The following AGBL4 variants were observed in gnomAD, a reference collection of about 807,000 sequenced individuals.
The protein encoded by AGBL4 is AGBL carboxypeptidase 4.
A neutral mutation model predicts 66.4 loss-of-function variants in AGBL4; 58 were observed. The observed-to-expected ratio is 0.87, with a 90% CI of 0.71 to 1.09. The LOEUF (loss-of-function observed/expected upper bound fraction) is 1.09, where lower values mean the gene tolerates loss of function less well. AGBL4 is among the 50% of genes least tolerant of loss of function. The pLI is 0.00. For synonymous variants in AGBL4, 234 were observed against 222.9 expected, an observed-to-expected ratio of 1.05 and a Z score of -0.44; for missense variants, 579 against 631.0, an observed-to-expected ratio of 0.92 and a Z score of 0.88.
At chr1:48,837,506 C>G (rs775163700) in intron 6 of AGBL4, among the ~76,000 whole-genome samples, 2 of 151,506 alleles carry the variant, frequency 1.3e-5, no homozygotes, top group African/African-American at 4.9e-5. Flanking sequence ...ACTTAGCCTC[C>G]CAGCCTACAT....
At chr1:49,172,840 T>C (rs992857930) in intron 4 of AGBL4, among the ~76,000 whole-genome samples, 8 of 152,092 alleles carry the variant, frequency 5.3e-5, no homozygotes. Flanking sequence ...ATAATAGTAC[T>C]CTAGGCTGGG....
intron 3 of AGBL4, among the ~76,000 whole-genome samples, chr1:49,423,417 G>A (rs1645587564): frequency 6.6e-6 from 1 of 152,144 alleles, no homozygotes; most frequent in Admixed American, 6.5e-5. Context: ...TCCTAAGACA[G>A]GCATGAGAGG....
chr1:49,130,453 C>A (rs975961476), intron 4 of AGBL4, among the ~76,000 whole-genome samples: 1 of 152,102 alleles, frequency 6.6e-6, no homozygotes, highest in Non-Finnish European at 1.5e-5. Flanking sequence ...TTAGGTCTAA[C>A]GTTTAAGTCT....
At chr1:48,555,681 C>T (rs1644310660) in intron 11 of AGBL4, among the ~76,000 whole-genome samples, 1 of 152,090 alleles carries the variant, frequency 6.6e-6, no homozygotes, top group Non-Finnish European at 1.5e-5. Flanking sequence ...GGTGATTTCT[C>T]CTGTGGCCCT....
chr1:49,168,264 T>C (rs115660535), intron 4 of AGBL4, among the ~76,000 whole-genome samples: 496 of 152,344 alleles, frequency 3.3e-3, no homozygotes, highest in Non-Finnish European at 5.8e-3. Context: ...TTTCGAATAC[T>C]TACCTAAAAG....
At chr1:48,767,418 C>T (rs1199073457) in intron 6 of AGBL4, among the ~76,000 whole-genome samples, 1 of 152,164 alleles carries the variant, frequency 6.6e-6, no homozygotes, top group Non-Finnish European at 1.5e-5. Context: ...AGGTATCTGA[C>T]ACAGACTGAG....
intron 3 of AGBL4, among the ~76,000 whole-genome samples, chr1:49,303,538 T>G (rs987486331): frequency 1.3e-5 from 2 of 152,106 alleles, no homozygotes; most frequent in East Asian, 3.9e-4. Flanking sequence ...CTGCAAACTC[T>G]GCCTCCCAGG....
At chr1:49,750,160 A>G (rs1299837509) in intron 2 of AGBL4, among the ~76,000 whole-genome samples, 2 of 152,168 alleles carry the variant, frequency 1.3e-5, no homozygotes, top group Non-Finnish European at 2.9e-5. Flanking sequence ...CAAAATCATA[A>G]CATGTGTAGA....
chr1:49,373,975 T>C (rs1644420332), intron 3 of AGBL4, among the ~76,000 whole-genome samples: 1 of 152,128 alleles, frequency 6.6e-6, no homozygotes, highest in South Asian at 2.1e-4. Context: ...ATTTTATTTA[T>C]ACTATACATA....
chr1:49,193,038 T>C (rs1014123009), intron 4 of AGBL4, among the ~76,000 whole-genome samples: 4 of 152,248 alleles, frequency 2.6e-5, no homozygotes, highest in African/African-American at 9.6e-5. Context: ...AATTATCTTT[T>C]GTATTTCTAT....
intron 3 of AGBL4, among the ~76,000 whole-genome samples, chr1:49,553,450 T>C: frequency 6.6e-6 from 1 of 152,224 alleles, no homozygotes; most frequent in South Asian, 2.1e-4. Context: ...AAAACTACAA[T>C]GATAGCTCAA....
At chr1:48,819,943 G>T (rs1287524731) in intron 6 of AGBL4, among the ~76,000 whole-genome samples, 1 of 152,142 alleles carries the variant, frequency 6.6e-6, no homozygotes, top group Non-Finnish European at 1.5e-5. Flanking sequence ...CTTAAGCTCT[G>T]CTCTCCAATC....
At chr1:49,237,825 A>G (rs1650908110) in intron 4 of AGBL4, among the ~76,000 whole-genome samples, 1 of 151,992 alleles carries the variant, frequency 6.6e-6, no homozygotes, top group Non-Finnish European at 1.5e-5. Flanking sequence ...CTGATATACT[A>G]AGAGTCCTTT....
chr1:48,688,878 A>C (rs1223786414), intron 6 of AGBL4, among the ~76,000 whole-genome samples: 1 of 151,954 alleles, frequency 6.6e-6, no homozygotes, highest in African/African-American at 2.4e-5. Context: ...TGTGGGAAGA[A>C]GTGGGGGTGT....
chr1:48,540,027 C>T (rs1644039425), intron 11 of AGBL4, among the ~76,000 whole-genome samples: 1 of 152,062 alleles, frequency 6.6e-6, no homozygotes, highest in Non-Finnish European at 1.5e-5. Flanking sequence ...GAGTCATAAC[C>T]CAAAGCCTGT....
intron 6 of AGBL4, among the ~76,000 whole-genome samples, chr1:48,772,196 A>T (rs1418817845): frequency 6.6e-6 from 1 of 152,234 alleles, no homozygotes; most frequent in African/African-American, 2.4e-5. Context: ...TGACTAATAA[A>T]AACAAGACAT....
chr1:49,451,734 C>A (rs1646281876), intron 3 of AGBL4, among the ~76,000 whole-genome samples: 1 of 151,940 alleles, frequency 6.6e-6, no homozygotes, highest in African/African-American at 2.4e-5. Flanking sequence ...TCCTCAGAGG[C>A]AGAGACTGAG....
At chr1:49,694,657 GCA>G (rs1364454629) in intron 3 of AGBL4, among the ~76,000 whole-genome samples, 1 of 152,068 alleles carries the variant, frequency 6.6e-6, no homozygotes, top group African/African-American at 2.4e-5. Flanking sequence ...CATGTTACTT[GCA>G]CAGTTAATTG....
Position 49,622,400 on chromosome 1 carries a change from C to T in AGBL4, c.282+74913G>A, listed in dbSNP as rs970910632. Among the ~76,000 whole-genome samples the T allele has an allele frequency of 2.6e-5, 4 of 151,872 alleles. No individual in the cohort carries two copies. In the East Asian group the frequency reaches 7.8e-4, roughly 29 times the overall value. ...ATCCCAGCACTTTGGGAGGCCGAGGCGGGCGGATCACGAGGTCAGGAGATC... is the reference window on the plus strand; with the variant it reads ...ATCCCAGCACTTTGGGAGGCCGAGGTGGGCGGATCACGAGGTCAGGAGATC... On this transcript the variant is annotated intron_variant, in intron 3 of 13. Coordinates refer to ENST00000371839, the MANE Select transcript of AGBL4 (RefSeq NM_032785.4).
Sources: gnomAD v4.1 joint callset for allele counts (sites outside exome capture counted in the v4.1 genomes callset) on GRCh38, gnomAD v4.1.1 for gene constraint, MANE v1.5 for transcripts, NCBI Gene and HGNC (gene_info 2026-07-23, HGNC 2026-07-21) for gene names.